Variants in WDR86 observed in about 807,000 individuals in gnomAD.
WDR86 encodes the protein WD repeat domain 86, also known as WD repeat-containing protein 86.
WDR86 carries 30 observed loss-of-function variants against 36.5 expected under a neutral mutation model. That is an observed-to-expected ratio of 0.82 (90% confidence interval 0.61 to 1.11). The LOEUF (loss-of-function observed/expected upper bound fraction) is 1.11, where lower values mean the gene tolerates loss of function less well. WDR86 is among the 50% of genes most tolerant of loss of function. The pLI is 0.00. For missense variants in WDR86, 545 were observed against 561.2 expected (o/e 0.97, Z 0.29); for synonymous variants, 255 against 252.9 (o/e 1.01, Z -0.08).
In WDR86 at chr7:151,404,897, C is replaced by T. The variant is rs566887934; in HGVS notation, c.163+4530G>A. Among the ~76,000 whole-genome samples the T allele has an allele frequency of 1.1e-4, 16 of 152,336 alleles. No individual in the cohort carries two copies. The East Asian group carries it at 3.1e-3, about 29-fold the overall frequency. On this transcript the variant is annotated intron_variant, in intron 1 of 5. Coordinates refer to ENST00000334493, the MANE Select transcript of WDR86 (RefSeq NM_198285.3). Reference sequence around the variant, plus strand: ...GCGGGTCTCTGCCGGCGGTGGGCTGCAGTGGGCCTGGTGCCCCTGACTTGC... The same window carrying T: ...GCGGGTCTCTGCCGGCGGTGGGCTGTAGTGGGCCTGGTGCCCCTGACTTGC...
chr7:151,381,628 A>T lies in WDR86; in HGVS notation c.1085T>A (p.Phe362Tyr). 1.4e-6 allele frequency: 2 copies of T among 1,382,406 alleles called. No homozygotes were observed. The highest frequency in any genetic ancestry group is 1.9e-6 in the Non-Finnish European group (2 of 1,079,378). The allele number at this position is 1,382,406 out of a possible 1,614,324, so 85.6% of individuals were successfully genotyped here. A position where few individuals can be genotyped will look rare whatever the true frequency, so the allele number is the denominator to read the frequency against. The change falls in exon 6 of 6, where the codon TTC becomes TAC. Residue 362 changes from phenylalanine to tyrosine, a missense_variant. Transcript: ENST00000334493. This position sits in a 1 kb window ranked among gnomAD's most constrained non-coding sequence, Gnocchi z 4.8. ...PPPMRSLSRL[F>Y]SNKVGCAAAP... ...GGCGGCGCAGCCCACCTTGTTGCTG[A>T]AGAGCCGCGAGAGGCTGCGCATGGG...
At chr7:151,403,734 T>C (rs1800508304) in intron 1 of WDR86, among the ~76,000 whole-genome samples, 1 of 152,220 alleles carries the variant, frequency 6.6e-6, no homozygotes, top group South Asian at 2.1e-4. Flanking sequence ...GGCTAGATTT[T>C]TGCCAACCCC....
At position 151,409,863 on chromosome 7, in the gene WDR86, C is replaced by A; in HGVS notation, c.-274G>T. On this transcript the variant is annotated 5_prime_UTR_variant, in exon 1 of 6. Transcript: ENST00000334493. This position sits in a 1 kb window ranked among gnomAD's most constrained non-coding sequence, Gnocchi z 5.2. The stretch of plus-strand genomic sequence containing the variant: ...TCCTGGGCGCGCGGGCAGAGAGAAC[C>A]CCCTTCCCAGCACCGCTCGGAGGAT... 8.3e-7 allele frequency: 1 copy of A among 1,201,034 alleles called. No individual in the cohort carries two copies. Among genetic ancestry groups the A allele is most frequent in the Non-Finnish European group, 1.0e-6 (1 of 968,514 alleles). The allele number at this position is 1,201,034 out of a possible 1,614,324, so 74.4% of individuals were successfully genotyped here. A position where few individuals can be genotyped will look rare whatever the true frequency, so the allele number is the denominator to read the frequency against.
intron 1 of WDR86, among the ~76,000 whole-genome samples, chr7:151,402,915 G>GTATACAGTTGTCCCCCAATA (rs1800445448): frequency 6.6e-6 from 1 of 152,222 alleles, no homozygotes; most frequent in Admixed American, 6.5e-5. Context: ...AAGATGGTGT[G>GTATACAGTTGTCCCCCAATA]TATACAGTTG....
intron 1 of WDR86, chr7:151,408,711 G>A: frequency 2.9e-6 from 1 of 350,868 alleles, no homozygotes. Flanking sequence ...AGAGCTGAAA[G>A]GGACCTCACA....
chr7:151,376,081 C>T, exon 2 of WDR86: 1 of 672,926 alleles, frequency 1.5e-6, no homozygotes, highest in Non-Finnish European at 2.7e-6. Context: ...GTAACCTGCC[C>T]ACCTCAGAGG....
In WDR86 at chr7:151,406,927, C is replaced by CTGA. The variant is rs1287720239; in HGVS notation, c.163+2497_163+2499dup. The stretch of plus-strand genomic sequence containing the variant: ...GTTAAGACATTTTAATAATATTTCA[C>CTGA]TGATAGAAAAAAAAAATCCTGCAGG... On this transcript the variant is annotated intron_variant, in intron 1 of 5. Coordinates refer to ENST00000334493, the MANE Select transcript of WDR86 (RefSeq NM_198285.3). This position sits in a 1 kb window ranked among gnomAD's most constrained non-coding sequence, Gnocchi z 4.4. Among the ~76,000 whole-genome samples, 2 of 151,940 alleles carry CTGA rather than the reference C, an allele frequency of 1.3e-5. No homozygotes were observed. The highest frequency in any genetic ancestry group is 2.9e-5 in the Non-Finnish European group (2 of 67,986).
chr7:151,370,776 G>T, the WDR86 span, among the ~76,000 whole-genome samples: 1 of 146,422 alleles, frequency 6.8e-6, no homozygotes, highest in African/African-American at 2.6e-5. Flanking sequence ...TCCCACCTGT[G>T]AGTGAGAATA....
At chr7:151,377,212 CAAAG>C (rs1430344994), downstream of WDR86, 3 of 1,533,432 alleles carry the variant, frequency 2.0e-6, no homozygotes, top group Non-Finnish European at 2.6e-6. Flanking sequence ...AAGTCAGCAA[CAAAG>C]AAAAACTAAA....
At position 151,395,812 on chromosome 7, in the gene WDR86, C is replaced by T; in HGVS notation, c.690G>A (p.Val230=). The T allele has an allele frequency of 6.4e-7, 1 of 1,571,322 alleles. No individual in the cohort carries two copies. Among genetic ancestry groups the T allele is most frequent in the Admixed American group, 1.8e-5 (1 of 54,164 alleles). The change falls in exon 3 of 6, where the codon GTG becomes GTA. Residue 230 remains valine, a synonymous_variant. Transcript: ENST00000334493. ...TGACGGAGCCCCGGTGCTCCCGGAA[C>T]ACCCGCAGCTGCTCCCCACTCAGGA... ...WDILSGEQLR[V]FREHRGSVIC...
rs1799806889 is a variant in WDR86 at position 151,396,099 on chromosome 7, C to T, written c.403G>A (p.Gly135Ser). The T allele has an allele frequency of 1.2e-6, 2 of 1,612,812 alleles. No individual in the cohort carries two copies. Among genetic ancestry groups the T allele is most frequent in the Non-Finnish European group, 8.5e-7 (1 of 1,179,880 alleles). The change falls in exon 3 of 6, where the codon GGC (glycine) becomes AGC (serine). Residue 135 changes from glycine (G) to serine (S), a missense_variant. Transcript: ENST00000334493. ...DKGQMSREFR[G>S]HRNCVLTLAY... Reference sequence around the variant, plus strand: ...AGGGTCAGCACGCAGTTGCGGTGGCCCCGGAACTCCCGGGACATCTGCCCC... The same window carrying T: ...AGGGTCAGCACGCAGTTGCGGTGGCTCCGGAACTCCCGGGACATCTGCCCC...
the WDR86 span, among the ~76,000 whole-genome samples, chr7:151,369,355 C>T: frequency 6.6e-6 from 1 of 152,120 alleles, no homozygotes; most frequent in Non-Finnish European, 1.5e-5. Flanking sequence ...CTGCAGTCTC[C>T]TTAGTTTTGT....
downstream of WDR86, among the ~76,000 whole-genome samples, chr7:151,379,166 G>A (rs923020321): frequency 2.0e-5 from 3 of 152,228 alleles, no homozygotes; most frequent in African/African-American, 7.2e-5. Context: ...CAGTCTGAGT[G>A]TGACATGTTC....
chr7:151,398,997 G>T (rs1009988558), intron 2 of WDR86, among the ~76,000 whole-genome samples: 10 of 152,152 alleles, frequency 6.6e-5, no homozygotes, highest in African/African-American at 2.2e-4. Context: ...GGAGCTGTGA[G>T]CCCTGAGTTC....
In WDR86 at chr7:151,381,593, G is replaced by T; in HGVS notation, c.1120C>A (p.Gln374Lys). 1 of 1,370,722 alleles carries T rather than the reference G, an allele frequency of 7.3e-7. No individual in the cohort carries two copies. Among genetic ancestry groups the T allele is most frequent in the Non-Finnish European group, 9.3e-7 (1 of 1,071,850 alleles). 84.9% of individuals were successfully genotyped at this position (1,370,722 alleles called of 1,614,324 possible). Residue 374 changes from glutamine (Q) to lysine (K), a missense_variant, in exon 6 of 6, where the codon CAG becomes AAG. Gln to Lys is a moderately conservative substitution (Grantham distance 53, BLOSUM62 1). Transcript: ENST00000334493. This position sits in a 1 kb window ranked among gnomAD's most constrained non-coding sequence, Gnocchi z 4.8. ...NKVGCAAAPL[Q>K]PA ...GGGGCCCCGCGGGATCAGGCCGGCT[G>T]CAGGGGCGCGGCGGCGCAGCCCACC... is the stretch of plus-strand genomic sequence containing the variant.
chr7:151,370,638 A>G, the WDR86 span, among the ~76,000 whole-genome samples: 2 of 151,530 alleles, frequency 1.3e-5, no homozygotes. Context: ...GGTGCGCTGC[A>G]CCCATTAACT....
chr7:151,395,746 G>C (rs367713643), intron 3 of WDR86, 30 bp downstream of exon 3: 1 of 1,522,952 alleles, frequency 6.6e-7, no homozygotes, highest in African/African-American at 1.4e-5. Context: ...GGCTCCCCTG[G>C]CTGCTGGGCG....
rs1309128721 is a variant in WDR86, at chr7:151,405,223, G to A, written c.163+4204C>T. 1.3e-5 allele frequency among the ~76,000 whole-genome samples: 2 copies of A among 150,932 alleles called. No individual in the cohort carries two copies. Among genetic ancestry groups the A allele is most frequent in the Non-Finnish European group, 2.9e-5 (2 of 67,850 alleles). On this transcript the variant is annotated intron_variant, in intron 1 of 5. Coordinates refer to ENST00000334493, the MANE Select transcript of WDR86 (RefSeq NM_198285.3). The surrounding 1 kb of genome is among the most constrained non-coding windows in gnomAD (Gnocchi z 4.7). ...TTAGAAAAGAGGGAGCCCACCGTGG[G>A]TTCCGACAAGTGGGAGCCGCAGCTG...
intron 3 of WDR86, among the ~76,000 whole-genome samples, chr7:151,395,372 C>A (rs1259115134): frequency 6.6e-6 from 1 of 152,188 alleles, no homozygotes; most frequent in Non-Finnish European, 1.5e-5. Flanking sequence ...CCCTACCCCA[C>A]CCCTGTACCT....
Sources: allele counts gnomAD v4.1 joint callset (sites outside exome capture counted in the v4.1 genomes callset), GRCh38; gene constraint gnomAD v4.1.1; non-coding constraint Gnocchi (gnomAD v3.1); transcripts MANE v1.5; gene names NCBI Gene and HGNC (gene_info 2026-07-23, HGNC 2026-07-21).